Variants in NBPF8 observed in about 807,000 individuals in gnomAD.
NBPF8 encodes the protein NBPF family member NBPF8.
Position 120,436,713 on chromosome 1 carries a change from T to C in NBPF8, n.345+16T>C. ...AAGAAATACAGTAAGATCTATAGGC[T>C]CACCGTCATGAAAGTGATGAATGAT... On this transcript the variant is annotated intron_variant and non_coding_transcript_variant, in intron 1 of 24. Transcript: ENST00000583271. 8.3e-7 allele frequency: 1 copy of C among 1,200,192 alleles called. No homozygotes were observed. Among genetic ancestry groups the C allele is most frequent in the South Asian group, 1.2e-5 (1 of 81,742 alleles). 74.3% of individuals were successfully genotyped at this position (1,200,192 alleles called of 1,614,324 possible).
At chr1:120,428,677 C>T (rs1303726800) in intron 3 of NBPF8, among the ~76,000 whole-genome samples, 2 of 152,030 alleles carry the variant, frequency 1.3e-5, no homozygotes, top group Admixed American at 1.3e-4. Flanking sequence ...ACTCTGGGGC[C>T]ATGCGGTCTG....
At chr1:120,426,757 AC>A (rs1660738764) in intron 2 of NBPF8, among the ~76,000 whole-genome samples, 1 of 151,936 alleles carries the variant, frequency 6.6e-6, no homozygotes, top group Non-Finnish European at 1.5e-5. Context: ...ACCTCTGTCG[AC>A]CTGTGAAACT....
At chr1:120,420,197 T>C (rs1276805392) in intron 1 of NBPF8, among the ~76,000 whole-genome samples, 79 bp downstream of exon 2, 1 of 151,570 alleles carries the variant, frequency 6.6e-6, no homozygotes, top group Non-Finnish European at 1.5e-5. Context: ...GAAGGGAAGA[T>C]GCCAAGGGCC....
At chr1:120,434,160 C>G (rs1475005953), upstream of NBPF8, 1 of 151,634 alleles carries the variant, frequency 6.6e-6, no homozygotes, top group African/African-American at 2.4e-5. Flanking sequence ...GATGCAGGTG[C>G]TGTCCTCCTC....
At chr1:120,424,737 G>A (rs200125763) in intron 1 of NBPF8, among the ~76,000 whole-genome samples, 9 of 137,754 alleles carry the variant, frequency 6.5e-5, no homozygotes, top group South Asian at 2.7e-4. Flanking sequence ...CACGAGCCAC[G>A]GCCTGACCTG....
chr1:120,463,090 G>C, intron 21 of NBPF8, 124 bp downstream of exon 19: 1 of 690,222 alleles, frequency 1.4e-6, no homozygotes, highest in East Asian at 2.7e-5. Context: ...ACCTATGGGC[G>C]CATATAGGTT....
Position 120,436,648 on chromosome 1 carries a change from T to A in NBPF8, n.296T>A, listed in dbSNP as rs1661092023. On this transcript the variant is annotated non_coding_transcript_exon_variant, in exon 1 of 25. Transcript: ENST00000583271. ...AGTTCGTAAACCTCAAAGAGAGATGTTTTCTAACTCAACTGGCCGGCTTCC... is the reference window on the plus strand; with the variant it reads ...AGTTCGTAAACCTCAAAGAGAGATGATTTCTAACTCAACTGGCCGGCTTCC... 7 of 1,608,434 alleles carry A rather than the reference T, an allele frequency of 4.4e-6. No homozygotes were observed. In the South Asian group the frequency reaches 7.7e-5, roughly 18 times the overall value.
chr1:120,435,753 C>G (rs1201418790), upstream of NBPF8, among the ~76,000 whole-genome samples: 1 of 151,458 alleles, frequency 6.6e-6, no homozygotes, highest in Non-Finnish European at 1.5e-5. Flanking sequence ...GTATTCCCAG[C>G]TACTTGGGAG....
At position 120,460,484 on chromosome 1, in the gene NBPF8, G is replaced by T. The variant is rs1366826734; in HGVS notation, n.2785-89G>T. On this transcript the variant is annotated intron_variant and non_coding_transcript_variant, in intron 17 of 24. Coordinates refer to ENST00000583271, the Ensembl canonical transcript of NBPF8. ...CTGTTCTCACATTGACAAGACTGATGTCCCTGTGTTAGGATTGGACAGAGG... is the reference window on the plus strand; with the variant it reads ...CTGTTCTCACATTGACAAGACTGATTTCCCTGTGTTAGGATTGGACAGAGG... 13 of 820,124 alleles carry T rather than the reference G, an allele frequency of 1.6e-5. No homozygotes were observed. In the African/African-American group the frequency reaches 2.2e-4, roughly 14 times the overall value. 50.8% of individuals were successfully genotyped at this position (820,124 alleles called of 1,614,324 possible). A position where few individuals can be genotyped will look rare whatever the true frequency, so the allele number is the denominator to read the frequency against.
chr1:120,454,507 C>T (rs1310327425), intron 15 of NBPF8, among the ~76,000 whole-genome samples: 10 of 152,080 alleles, frequency 6.6e-5, no homozygotes, highest in Non-Finnish European at 1.2e-4. Context: ...AATTATTGTT[C>T]CCCAGGCTTC....
At chr1:120,433,195 T>G (rs1261975010), upstream of NBPF8, 4 of 152,182 alleles carry the variant, frequency 2.6e-5, no homozygotes, top group Admixed American at 2.6e-4. Flanking sequence ...TGAAAGCTAG[T>G]TTCAAAATGT....
chr1:120,423,202 C>T (rs1336825220), intron 1 of NBPF8, among the ~76,000 whole-genome samples: 1 of 132,754 alleles, frequency 7.5e-6, no homozygotes, highest in Non-Finnish European at 1.5e-5. Context: ...CATCATTGAA[C>T]CCAGGATCCC....
chr1:120,462,594 C>G (rs1409421466), intron 20 of NBPF8, among the ~76,000 whole-genome samples, 200 bp from the exon 19 acceptor site: 21 of 100,662 alleles, frequency 2.1e-4, no homozygotes, highest in African/African-American at 7.3e-4. Context: ...CTCTCTCTCT[C>G]CCTCTCCCTG....
intron 17 of NBPF8, among the ~76,000 whole-genome samples, chr1:120,460,008 ATTTTCTG>A (rs1176283687): frequency 2.6e-5 from 4 of 151,256 alleles, no homozygotes; most frequent in Non-Finnish European, 5.9e-5. Context: ...ATTTATTCCC[ATTTTCTG>A]TGTCTTCTAA....
exon 25 of NBPF8, chr1:120,466,016 T>A (rs1295115257): frequency 1.2e-6 from 2 of 1,611,820 alleles, no homozygotes; most frequent in Non-Finnish European, 1.7e-6. Context: ...GAGCCTGAAG[T>A]CTTACAGGAC....
chr1:120,445,826 T>C (rs1661145335), intron 7 of NBPF8: 4 of 413,640 alleles, frequency 9.7e-6, no homozygotes, highest in East Asian at 3.4e-5. Flanking sequence ...CATCTCACCT[T>C]AGGCAATATA....
At position 120,436,467 on chromosome 1, in the gene NBPF8, G is replaced by A. The variant is rs1661082922; in HGVS notation, n.115G>A. 22 of 1,225,180 alleles carry A rather than the reference G, an allele frequency of 1.8e-5. No individual in the cohort carries two copies. The highest frequency in any genetic ancestry group is 2.9e-5 in the African/African-American group (2 of 68,038). The allele number at this position is 1,225,180 out of a possible 1,614,324, so 75.9% of individuals were successfully genotyped here. A position where few individuals can be genotyped will look rare whatever the true frequency, so the allele number is the denominator to read the frequency against. On this transcript the variant is annotated non_coding_transcript_exon_variant, in exon 1 of 25. An upstream start codon of the reference 5' UTR is lost. Coordinates refer to ENST00000583271, the Ensembl canonical transcript of NBPF8. ...TTCACCAGTTTTTAACCCATCATAT[G>A]TTTGGGTTTCTTCTCCCCAGTCCCT...
intron 15 of NBPF8, 68 bp downstream of exon 13, chr1:120,454,182 C>G (rs1661367983): frequency 6.7e-7 from 1 of 1,483,048 alleles, no homozygotes; most frequent in African/African-American, 1.4e-5. Context: ...TGAAGACAGG[C>G]TCTATAAACA....
downstream of NBPF8, among the ~76,000 whole-genome samples, chr1:120,468,634 G>C (rs1281808176): frequency 6.8e-6 from 1 of 147,692 alleles, no homozygotes; most frequent in Non-Finnish European, 1.5e-5. Context: ...CATGGTCCGT[G>C]CCTCCCCATC....
Sources: allele counts gnomAD v4.1 joint callset (sites outside exome capture counted in the v4.1 genomes callset), GRCh38; gene constraint gnomAD v4.1.1; transcripts MANE v1.5; gene names NCBI Gene and HGNC (gene_info 2026-07-23, HGNC 2026-07-21).